Variants in SSBP3 observed in about 807,000 individuals in gnomAD.
SSBP3 encodes single-stranded DNA-binding protein 3.
SSBP3 carries 5 observed loss-of-function variants against 69.6 expected under a neutral mutation model. The ratio of observed to expected loss-of-function variants is 0.07; its 90% CI spans 0.04 to 0.15. The LOEUF (loss-of-function observed/expected upper bound fraction) is 0.15. Ranked by LOEUF, SSBP3 falls within the 10% of genes least tolerant of loss-of-function variation. The pLI, the probability that SSBP3 is intolerant of heterozygous loss-of-function variation, is 1.00. For synonymous variants in SSBP3, 196 were observed against 193.4 expected, an observed-to-expected ratio of 1.01 and a Z score of -0.11; for missense variants, 312 against 534.0, an observed-to-expected ratio of 0.58 and a Z score of 4.10.
At chr1:54,289,522 T>C (rs1645566522) in intron 4 of SSBP3, among the ~76,000 whole-genome samples, 1 of 152,140 alleles carries the variant, frequency 6.6e-6, no homozygotes, top group Non-Finnish European at 1.5e-5. Flanking sequence ...AGGTCTGCCC[T>C]GCAGGTCAGG....
chr1:54,401,774 G>T, intron 4 of SSBP3, 87 bp downstream of exon 4: 1 of 1,136,712 alleles, frequency 8.8e-7, no homozygotes, highest in South Asian at 1.3e-5. Flanking sequence ...AGACCACTGC[G>T]AACTGGCTGT....
chr1:54,406,018 G>A lies in SSBP3; in HGVS notation c.-10C>T, dbSNP rs748716195. ...TGCCTTTGGCAAACATGGTTTGCAGGGAAGAGGGCGCCGAGCCTCGCCGCC... is the reference window on the plus strand; with the variant it reads ...TGCCTTTGGCAAACATGGTTTGCAGAGAAGAGGGCGCCGAGCCTCGCCGCC... On this transcript the variant is annotated 5_prime_UTR_variant, in exon 1 of 18. Transcript: ENST00000610401. The A allele has an allele frequency of 3.4e-6, 5 of 1,465,632 alleles. No homozygotes were observed. The South Asian group carries it at 3.9e-5, about 11-fold the overall frequency. The allele number at this position is 1,465,632 out of a possible 1,614,324, so 90.8% of individuals were successfully genotyped here. A position where few individuals can be genotyped will look rare whatever the true frequency, so the allele number is the denominator to read the frequency against.
chr1:54,314,522 G>A (rs1426087596), intron 4 of SSBP3, among the ~76,000 whole-genome samples: 1 of 152,182 alleles, frequency 6.6e-6, no homozygotes, highest in African/African-American at 2.4e-5. Flanking sequence ...TCCCTACCTG[G>A]CACTCACAAA....
intron 4 of SSBP3, among the ~76,000 whole-genome samples, chr1:54,310,321 G>T (rs1007763979): frequency 4.6e-5 from 7 of 152,080 alleles, no homozygotes; most frequent in African/African-American, 1.7e-4. Context: ...TTTTTCACAG[G>T]AGGAGAGCTC....
At chr1:54,311,703 G>A (rs1349628233) in intron 4 of SSBP3, among the ~76,000 whole-genome samples, 1 of 152,126 alleles carries the variant, frequency 6.6e-6, no homozygotes. Context: ...CAGCCCTCCT[G>A]TCCTACCCTG....
At chr1:54,334,039 G>C (rs929310148) in intron 4 of SSBP3, among the ~76,000 whole-genome samples, 5 of 152,178 alleles carry the variant, frequency 3.3e-5, no homozygotes, top group African/African-American at 9.7e-5. Context: ...TTGGGAGACA[G>C]AGCAAGACCC....
chr1:54,400,380 G>C (rs1017857178), intron 4 of SSBP3, among the ~76,000 whole-genome samples: 1 of 143,968 alleles, frequency 6.9e-6, no homozygotes, highest in Non-Finnish European at 1.5e-5. Flanking sequence ...AAAAAACCAT[G>C]CAAGATTTTT....
intron 10 of SSBP3, among the ~76,000 whole-genome samples, chr1:54,242,660 C>A (rs1369829863): frequency 6.6e-6 from 1 of 152,070 alleles, no homozygotes; most frequent in Non-Finnish European, 1.5e-5. Flanking sequence ...ATAATAATAA[C>A]CGCGTCAGGC....
At chr1:54,278,990 C>T (rs1645341606) in intron 5 of SSBP3, among the ~76,000 whole-genome samples, 1 of 152,230 alleles carries the variant, frequency 6.6e-6, no homozygotes, top group South Asian at 2.1e-4. Flanking sequence ...ACCCTTTCCC[C>T]TTGGCAGTGT....
chr1:54,240,455 C>CA (rs1488934391), intron 13 of SSBP3, among the ~76,000 whole-genome samples: 16 of 73,560 alleles, frequency 2.2e-4, no homozygotes, highest in Non-Finnish European at 3.6e-4. Context: ...GATTCTACCT[C>CA]AAAAAAGAAA....
intron 5 of SSBP3, among the ~76,000 whole-genome samples, chr1:54,264,258 T>C (rs1645064304): frequency 6.6e-6 from 1 of 152,114 alleles, no homozygotes; most frequent in Non-Finnish European, 1.5e-5. Flanking sequence ...GCTGTGATCA[T>C]GCCACTGCAC....
intron 14 of SSBP3, chr1:54,236,777 C>T (rs1374878867): frequency 2.0e-5 from 3 of 152,174 alleles, no homozygotes; most frequent in Admixed American, 6.5e-5. Context: ...TCAAAGATCT[C>T]ATTAAGTGCT....
At chr1:54,262,049 C>G (rs60989999) in intron 5 of SSBP3, among the ~76,000 whole-genome samples, 154 of 152,298 alleles carry the variant, frequency 1.0e-3, no homozygotes, top group African/African-American at 3.6e-3. Flanking sequence ...ACATCACATT[C>G]CCATTTGCAT....
At chr1:54,344,575 C>T (rs1423845876) in intron 4 of SSBP3, among the ~76,000 whole-genome samples, 1 of 152,168 alleles carries the variant, frequency 6.6e-6, no homozygotes, top group East Asian at 1.9e-4. Flanking sequence ...GGCAGCTAAT[C>T]CCATCACCTC....
intron 4 of SSBP3, among the ~76,000 whole-genome samples, chr1:54,282,136 CA>C (rs2100885072): frequency 6.6e-6 from 1 of 152,230 alleles, no homozygotes; most frequent in African/African-American, 2.4e-5. Flanking sequence ...GACAAAGTGC[CA>C]AAGGTACTTC....
chr1:54,240,328 CGT>C (rs1458487479), intron 13 of SSBP3, among the ~76,000 whole-genome samples: 2 of 151,186 alleles, frequency 1.3e-5, no homozygotes, highest in African/African-American at 4.9e-5. Context: ...CATGGTGGTG[CGT>C]GCCTGTAATC....
chr1:54,353,116 TG>T (rs1646809095), intron 4 of SSBP3, among the ~76,000 whole-genome samples: 1 of 152,298 alleles, frequency 6.6e-6, no homozygotes, highest in South Asian at 2.1e-4. Context: ...AGGCGCTCCC[TG>T]GACAGGTCCC....
At chr1:54,378,787 C>A (rs1012212223) in intron 4 of SSBP3, among the ~76,000 whole-genome samples, 1 of 152,072 alleles carries the variant, frequency 6.6e-6, no homozygotes, top group Non-Finnish European at 1.5e-5. Flanking sequence ...GGAGGGGAGG[C>A]CGCAGAGCTG....
intron 5 of SSBP3, among the ~76,000 whole-genome samples, chr1:54,261,024 CCCAACGGGCCACCCACGTCCACAT>C (rs1201735623): frequency 3.9e-5 from 6 of 152,224 alleles, no homozygotes; most frequent in Admixed American, 3.9e-4. Context: ...CCTGCCATTT[CCCAACGGGCCACCCACGTCCACAT>C]CCACAGAGAA....
Sources: allele counts gnomAD v4.1 joint callset (sites outside exome capture counted in the v4.1 genomes callset), GRCh38; gene constraint gnomAD v4.1.1; transcripts MANE v1.5; gene names NCBI Gene and HGNC (gene_info 2026-07-23, HGNC 2026-07-21).